MCU: variants seen among roughly 807,000 people sequenced by gnomAD.
MCU encodes the protein mitochondrial calcium uniporter.
A neutral mutation model predicts 45.2 loss-of-function variants in MCU; 12 were observed. The observed-to-expected ratio is 0.27, with a 90% CI of 0.17 to 0.43. The LOEUF (loss-of-function observed/expected upper bound fraction) is 0.43. MCU is among the 20% of genes least tolerant of loss of function. The pLI is 1.00. For missense variants in MCU, 324 were observed against 436.7 expected (o/e 0.74, Z 2.30); for synonymous variants, 160 against 165.1 (o/e 0.97, Z 0.24).
At chr10:72,699,397 C>T (rs1842728324) in intron 1 of MCU, among the ~76,000 whole-genome samples, 1 of 151,916 alleles carries the variant, frequency 6.6e-6, no homozygotes. Context: ...ATCCCAACTA[C>T]TCGGGAGGCT....
chr10:72,875,519 A>G (rs1845604445), intron 6 of MCU, among the ~76,000 whole-genome samples: 1 of 152,248 alleles, frequency 6.6e-6, no homozygotes, highest in African/African-American at 2.4e-5. Flanking sequence ...ATAGGAAAAC[A>G]GTGACCAAAT....
At chr10:72,811,124 C>T (rs960969737) in intron 1 of MCU, among the ~76,000 whole-genome samples, 4 of 152,180 alleles carry the variant, frequency 2.6e-5, no homozygotes, top group Non-Finnish European at 5.9e-5. Flanking sequence ...CCAAAATAAA[C>T]ATGAATCTTT....
At chr10:72,815,559 G>A (rs1259726266) in intron 1 of MCU, among the ~76,000 whole-genome samples, 2 of 152,164 alleles carry the variant, frequency 1.3e-5, no homozygotes, top group Non-Finnish European at 2.9e-5. Context: ...TCTTTAGCAA[G>A]AAACAATGTT....
intron 1 of MCU, among the ~76,000 whole-genome samples, chr10:72,709,575 T>A (rs908172684): frequency 6.6e-6 from 1 of 151,066 alleles, no homozygotes; most frequent in Non-Finnish European, 1.5e-5. Flanking sequence ...AAAAATGGAT[T>A]TTCTGGTGTT....
intron 1 of MCU, among the ~76,000 whole-genome samples, chr10:72,769,562 C>T (rs971436202): frequency 3.3e-5 from 5 of 152,172 alleles, no homozygotes; most frequent in Non-Finnish European, 5.9e-5. Flanking sequence ...GGATTGCAGA[C>T]ATGTACCACT....
intron 4 of MCU, among the ~76,000 whole-genome samples, chr10:72,866,946 G>A (rs1276831502): frequency 6.6e-6 from 1 of 151,392 alleles, no homozygotes; most frequent in Non-Finnish European, 1.5e-5. Context: ...GCAAATGTGA[G>A]CAGCAGCTTT....
chr10:72,868,736 A>G lies in MCU; in HGVS notation c.530A>G (p.Asn177Ser), dbSNP rs1444899028. 6 of 1,613,934 alleles carry G rather than the reference A, an allele frequency of 3.7e-6. No homozygotes were observed. In the South Asian group the frequency reaches 4.4e-5, roughly 12 times the overall value. ...LLSHENAATL[N>S]DVKTLVQQLY... is the part of the protein sequence containing the mutation. ...AGTCATGAAAATGCAGCAACGCTGA[A>G]TGATGTAAAGACATTGGTCCAGCAA... The change falls in exon 5 of 8, where the codon AAT becomes AGT. Residue 177 changes from asparagine to serine, a missense_variant. Transcript: ENST00000373053.
At chr10:72,697,590 C>T (rs1460627305) in intron 1 of MCU, among the ~76,000 whole-genome samples, 4 of 151,670 alleles carry the variant, frequency 2.6e-5, no homozygotes, top group African/African-American at 7.3e-5. Flanking sequence ...TGCACCACCA[C>T]GCCCGGCTAA....
intron 1 of MCU, among the ~76,000 whole-genome samples, chr10:72,749,715 C>A (rs992700820): frequency 2.0e-5 from 3 of 152,054 alleles, no homozygotes; most frequent in African/African-American, 4.8e-5. Context: ...CTATCCCAGG[C>A]AAATTGGGAC....
chr10:72,848,194 G>T (rs1249987004), intron 2 of MCU, among the ~76,000 whole-genome samples: 1 of 152,008 alleles, frequency 6.6e-6, no homozygotes, highest in Non-Finnish European at 1.5e-5. Flanking sequence ...ACTTACAGTG[G>T]GTTTATGCAG....
intron 1 of MCU, among the ~76,000 whole-genome samples, chr10:72,804,214 G>C (rs1247304534): frequency 6.6e-6 from 1 of 150,460 alleles, no homozygotes; most frequent in African/African-American, 2.4e-5. Context: ...AGCCTCCCAA[G>C]TAGCTGGGAT....
At chr10:72,845,592 A>G (rs1845109113) in intron 2 of MCU, among the ~76,000 whole-genome samples, 1 of 152,192 alleles carries the variant, frequency 6.6e-6, no homozygotes, top group African/African-American at 2.4e-5. Context: ...TCAGCACAGT[A>G]ACATGGTATA....
At chr10:72,700,307 C>G (rs554025818) in intron 1 of MCU, among the ~76,000 whole-genome samples, 31 of 151,886 alleles carry the variant, frequency 2.0e-4, no homozygotes, top group African/African-American at 7.5e-4. Context: ...GTGATCCCCC[C>G]ACTTCAGCCT....
intron 6 of MCU, among the ~76,000 whole-genome samples, chr10:72,882,406 C>T (rs1845717133): frequency 2.0e-5 from 3 of 152,208 alleles, no homozygotes. Context: ...CTTTCAAAAG[C>T]AAATGGGAGA....
intron 2 of MCU, among the ~76,000 whole-genome samples, chr10:72,845,106 G>T (rs1163057713): frequency 2.0e-5 from 3 of 152,132 alleles, no homozygotes; most frequent in Non-Finnish European, 4.4e-5. Context: ...GTATAGGAAA[G>T]ATTGTTGGAT....
chr10:72,783,964 A>C (rs184422960), intron 1 of MCU, among the ~76,000 whole-genome samples: 46 of 152,342 alleles, frequency 3.0e-4, no homozygotes, highest in African/African-American at 1.1e-3. Flanking sequence ...TAGGCACTAT[A>C]GAAATTACCA....
At chr10:72,696,346 GA>G (rs1430197062) in intron 1 of MCU, among the ~76,000 whole-genome samples, 2 of 151,770 alleles carry the variant, frequency 1.3e-5, no homozygotes, top group African/African-American at 4.8e-5. Flanking sequence ...TTCCTAGTGT[GA>G]AGATCTGGCC....
chr10:72,765,735 AGTGAGTTATGATCTACACTCTAGCCT>A (rs1368346077), intron 1 of MCU, among the ~76,000 whole-genome samples: 1 of 137,566 alleles, frequency 7.3e-6, no homozygotes, highest in African/African-American at 2.7e-5. Context: ...TTGATGCTGC[AGTGAGTTATGATCTACACTCTAGCCT>A]GGGTAACAAA....
At chr10:72,774,117 C>T (rs1564552670) in intron 1 of MCU, among the ~76,000 whole-genome samples, 1 of 152,182 alleles carries the variant, frequency 6.6e-6, no homozygotes, top group East Asian at 1.9e-4. Context: ...AATACTCTTA[C>T]TGCAATTGTG....
Sources: gnomAD v4.1 joint callset for allele counts (sites outside exome capture counted in the v4.1 genomes callset) on GRCh38, gnomAD v4.1.1 for gene constraint, MANE v1.5 for transcripts, NCBI Gene and HGNC (gene_info 2026-07-23, HGNC 2026-07-21) for gene names.